NKX2-2: variants seen among roughly 807,000 people sequenced by gnomAD.
The protein encoded by NKX2-2 is homeobox protein Nkx-2.2.
NKX2-2 carries 8 observed loss-of-function variants against 24.6 expected under a neutral mutation model. The ratio of observed to expected loss-of-function variants is 0.32; its 90% CI spans 0.19 to 0.59. The LOEUF (loss-of-function observed/expected upper bound fraction) is 0.59, where lower values mean the gene tolerates loss of function less well. Among genes scored for constraint, NKX2-2 ranks in the 20% least tolerant of loss-of-function variants. The pLI, the probability that NKX2-2 is intolerant of heterozygous loss-of-function variation, is 0.86. For synonymous variants in NKX2-2, 217 were observed against 173.3 expected (o/e 1.25, Z -1.98); for missense variants, 381 against 373.9 (o/e 1.02, Z -0.16).
chr20:21,516,249 C>G (rs1040587549), upstream of NKX2-2, among the ~76,000 whole-genome samples: 1 of 152,084 alleles, frequency 6.6e-6, no homozygotes, highest in Non-Finnish European at 1.5e-5. Flanking sequence ...TAAGGAAACC[C>G]CTTCATGTCG....
the NKX2-2 span, among the ~76,000 whole-genome samples, chr20:21,521,434 G>A: frequency 1.3e-5 from 2 of 152,020 alleles, no homozygotes; most frequent in African/African-American, 2.4e-5. Context: ...CGGCCCAGGC[G>A]ACACTCGCCT....
chr20:21,513,404 T>C lies in NKX2-2; in HGVS notation c.259+7A>G, dbSNP rs1258927457. 1 of 1,516,016 alleles carries C rather than the reference T, an allele frequency of 6.6e-7. No individual in the cohort carries two copies. Among genetic ancestry groups the C allele is most frequent in the Non-Finnish European group, 8.8e-7 (1 of 1,130,974 alleles). The allele number at this position is 1,516,016 out of a possible 1,614,324, so 93.9% of individuals were successfully genotyped here. On this transcript the variant is annotated splice_region_variant and intron_variant, in intron 1 of 1. Coordinates refer to ENST00000377142, the MANE Select transcript of NKX2-2 (RefSeq NM_002509.4). This position sits in a 1 kb window ranked among gnomAD's most constrained non-coding sequence, Gnocchi z 4.6. ...CACGGCCTCGGCAGCCAAGTTTTGC[T>C]ACTTACGGGAGTACTGAAGGCCCTC...
At chr20:21,515,082 A>G (rs956512045), upstream of NKX2-2, among the ~76,000 whole-genome samples, 3 of 151,872 alleles carry the variant, frequency 2.0e-5, no homozygotes, top group African/African-American at 4.8e-5. Flanking sequence ...AGGAGCTCCA[A>G]CTTCGTCTGG....
chr20:21,513,608 G>T lies in NKX2-2; in HGVS notation c.62C>A (p.Thr21Asn). ...SVKDILDLPD[T>N]NDEEGSVAEG... is the part of the protein sequence containing the mutation. Reference sequence around the variant, plus strand: ...GGCCACAGAGCCCTCCTCATCGTTGGTGTCCGGCAGGTCTAAGATGTCCTT... The same window carrying T: ...GGCCACAGAGCCCTCCTCATCGTTGTTGTCCGGCAGGTCTAAGATGTCCTT... The change falls in exon 1 of 2, where the codon ACC becomes AAC. Residue 21 changes from threonine to asparagine, a missense_variant. This residue lies in a region of NKX2-2 where 206 missense variants were observed against 173.1 expected (regional missense o/e 1.19). Coordinates refer to ENST00000377142, the MANE Select transcript of NKX2-2 (RefSeq NM_002509.4). This position sits in a 1 kb window ranked among gnomAD's most constrained non-coding sequence, Gnocchi z 4.6. 1 of 1,612,874 alleles carries T rather than the reference G, an allele frequency of 6.2e-7. No individual in the cohort carries two copies.
chr20:21,515,868 C>A (rs540539550), upstream of NKX2-2, among the ~76,000 whole-genome samples: 13 of 152,322 alleles, frequency 8.5e-5, no homozygotes, highest in Admixed American at 2.0e-4. Flanking sequence ...TCTCCCCGAG[C>A]CGCTCGGCGG....
Position 21,512,365 on chromosome 20 carries a change from T to C in NKX2-2, c.380A>G (p.Lys127Arg). The stretch of plus-strand genomic sequence containing the variant: ...GAAAAGCACTCGCCGCTTTCGCTTC[T>C]TGCCGGCGTCCCCCCCGCCGCCCGG... ...ETPGGGGDAG[K>R]KRKRRVLFSK... The change falls in exon 2 of 2, where the codon AAG becomes AGG. Residue 127 changes from lysine to arginine, a missense_variant. This residue lies in a region of NKX2-2 where 206 missense variants were observed against 173.1 expected (regional missense o/e 1.19). Transcript: ENST00000377142. 6.2e-7 allele frequency: 1 copy of C among 1,608,178 alleles called. No individual in the cohort carries two copies. Among genetic ancestry groups the C allele is most frequent in the Non-Finnish European group, 8.5e-7 (1 of 1,178,030 alleles).
At chr20:21,520,305 C>T in the NKX2-2 span, among the ~76,000 whole-genome samples, 1 of 152,030 alleles carries the variant, frequency 6.6e-6, no homozygotes, top group Admixed American at 6.6e-5. Flanking sequence ...AGGTGAGCTC[C>T]CTTCTCCCTA....
upstream of NKX2-2, among the ~76,000 whole-genome samples, chr20:21,514,212 A>AGG (rs1491390887): frequency 6.6e-6 from 1 of 151,674 alleles, no homozygotes; most frequent in Admixed American, 6.6e-5. Context: ...GGTGGAAAAA[A>AGG]GGGGGAAGAG....
chr20:21,512,102 A>G lies in NKX2-2; in HGVS notation c.643T>C (p.Cys215Arg). 6 of 1,613,792 alleles carry G rather than the reference A, an allele frequency of 3.7e-6. No individual in the cohort carries two copies. Among genetic ancestry groups the G allele is most frequent in the East Asian group, 2.2e-5 (1 of 44,848 alleles). ...AGGTCCTGGGCTTTGAGCGCGTGAC[A>G]TGGTTTGCCGTCCCTGACCAAGACG... ...VPVLVRDGKPCHALKAQDLAA... is the reference protein window; with the variant it reads ...VPVLVRDGKPRHALKAQDLAA... The change falls in exon 2 of 2, where the codon TGT becomes CGT. Residue 215 changes from cysteine to arginine, a missense_variant. Physicochemically the swap from Cys to Arg is radical, Grantham distance 180 (BLOSUM62 -3). Around this residue, in one of 3 missense-constraint regions of NKX2-2, gnomAD observed 139 missense variants for 121.7 expected, o/e 1.14. Coordinates refer to ENST00000377142, the MANE Select transcript of NKX2-2 (RefSeq NM_002509.4).
At chr20:21,521,785 T>C in the NKX2-2 span, among the ~76,000 whole-genome samples, 1 of 151,480 alleles carries the variant, frequency 6.6e-6, no homozygotes. Flanking sequence ...GGGAGGGAGC[T>C]AGCCAGGCGC....
chr20:21,515,535 G>A (rs751381552), upstream of NKX2-2, among the ~76,000 whole-genome samples: 1 of 151,730 alleles, frequency 6.6e-6, no homozygotes. Flanking sequence ...CTTCCTCCTC[G>A]GCGCTGGGGT....
At chr20:21,517,205 G>A (rs996924324), upstream of NKX2-2, among the ~76,000 whole-genome samples, 1 of 152,166 alleles carries the variant, frequency 6.6e-6, no homozygotes, top group South Asian at 2.1e-4. Flanking sequence ...CTCAGCTTGC[G>A]GTGTCCTCTT....
chr20:21,513,350 C>G lies in NKX2-2; in HGVS notation c.259+61G>C. On this transcript the variant is annotated intron_variant, in intron 1 of 1. Coordinates refer to ENST00000377142, the MANE Select transcript of NKX2-2 (RefSeq NM_002509.4). The surrounding 1 kb of genome is among the most constrained non-coding windows in gnomAD (Gnocchi z 4.6). Reference sequence around the variant, plus strand: ...CCCCTTTCACTCCCAGCGTCCAACCCGGGCTGCGGCTGCAGGAATGGAGGG... The same window carrying G: ...CCCCTTTCACTCCCAGCGTCCAACCGGGGCTGCGGCTGCAGGAATGGAGGG... 1.4e-6 allele frequency: 2 copies of G among 1,474,988 alleles called. No homozygotes were observed. The highest frequency in any genetic ancestry group is 1.8e-6 in the Non-Finnish European group (2 of 1,111,714). The allele number at this position is 1,474,988 out of a possible 1,614,324, so 91.4% of individuals were successfully genotyped here. A position where few individuals can be genotyped will look rare whatever the true frequency, so the allele number is the denominator to read the frequency against.
At chr20:21,512,812 C>T (rs1408070749) in intron 1 of NKX2-2, among the ~76,000 whole-genome samples, 1 of 152,196 alleles carries the variant, frequency 6.6e-6, no homozygotes, top group Non-Finnish European at 1.5e-5. Flanking sequence ...GCGGTTTCCT[C>T]TCCGGCGAGA....
At chr20:21,518,415 C>A (rs1390704969), upstream of NKX2-2, among the ~76,000 whole-genome samples, 1 of 152,172 alleles carries the variant, frequency 6.6e-6, no homozygotes, top group East Asian at 1.9e-4. Flanking sequence ...AGGAAGAGAA[C>A]CTGTGCCCCT....
In NKX2-2 at chr20:21,513,724, G is replaced by T. The variant is rs1177312165; in HGVS notation, c.-55C>A. 5.1e-5 allele frequency: 72 copies of T among 1,408,692 alleles called. No individual in the cohort carries two copies. The highest frequency in any genetic ancestry group is 6.5e-5 in the Non-Finnish European group (70 of 1,082,428). The allele number at this position is 1,408,692 out of a possible 1,614,324, so 87.3% of individuals were successfully genotyped here. A position where few individuals can be genotyped will look rare whatever the true frequency, so the allele number is the denominator to read the frequency against. On this transcript the variant is annotated 5_prime_UTR_variant, in exon 1 of 2. Coordinates refer to ENST00000377142, the MANE Select transcript of NKX2-2 (RefSeq NM_002509.4). This position sits in a 1 kb window ranked among gnomAD's most constrained non-coding sequence, Gnocchi z 4.6. ...AGTTGTAGCTTCACTTGGTCAATTC[G>T]TGGCGCTCCCCTGCCCCGGCGGGCG...
chr20:21,511,580 C>G lies in NKX2-2; in HGVS notation c.*343G>C. ...GCAGGGGTGGGGGGTCGGTCTTTTTCTCGTTTTCAAGTGACGACATTAACG... is the reference window on the plus strand; with the variant it reads ...GCAGGGGTGGGGGGTCGGTCTTTTTGTCGTTTTCAAGTGACGACATTAACG... On this transcript the variant is annotated 3_prime_UTR_variant, in exon 2 of 2. Transcript: ENST00000377142. The G allele has an allele frequency of 4.6e-6, 1 of 218,860 alleles. No homozygotes were observed. Among genetic ancestry groups the G allele is most frequent in the Non-Finnish European group, 8.9e-6 (1 of 112,692 alleles). The allele number at this position is 218,860 out of a possible 1,614,324, so 13.6% of individuals were successfully genotyped here. A position where few individuals can be genotyped will look rare whatever the true frequency, so the allele number is the denominator to read the frequency against.
upstream of NKX2-2, among the ~76,000 whole-genome samples, chr20:21,518,287 C>T (rs1980689936): frequency 6.6e-6 from 1 of 152,146 alleles, no homozygotes; most frequent in Non-Finnish European, 1.5e-5. Flanking sequence ...TCAACTCGAT[C>T]TTTATTATCA....
At chr20:21,514,372 G>A (rs1158490919), upstream of NKX2-2, among the ~76,000 whole-genome samples, 1 of 151,750 alleles carries the variant, frequency 6.6e-6, no homozygotes, top group African/African-American at 2.4e-5. Flanking sequence ...GGTGTAACGT[G>A]TCAATTAATT....
Sources: gnomAD v4.1 joint callset for allele counts (sites outside exome capture counted in the v4.1 genomes callset) on GRCh38, gnomAD v4.1.1 for gene constraint, gnomAD v4.1.1 regional missense constraint, Gnocchi (gnomAD v3.1) non-coding constraint, MANE v1.5 for transcripts, NCBI Gene and HGNC (gene_info 2026-07-23, HGNC 2026-07-21) for gene names.